Variants in UGT1A5 observed in about 807,000 individuals in gnomAD.
The protein encoded by UGT1A5 is UDP glucuronosyltransferase family 1 member A5, also known as UDP-glucuronosyltransferase 1A5.
UGT1A5 carries 29 observed loss-of-function variants against 40.3 expected under a neutral mutation model. The ratio of observed to expected loss-of-function variants is 0.72; its 90% CI spans 0.54 to 0.98. The LOEUF (loss-of-function observed/expected upper bound fraction) is 0.98. Ranked by LOEUF, UGT1A5 falls within the 50% of genes least tolerant of loss-of-function variation. The pLI, the probability that UGT1A5 is intolerant of heterozygous loss-of-function variation, is 0.00. For synonymous variants in UGT1A5, 257 were observed against 262.5 expected, an observed-to-expected ratio of 0.98 and a Z score of 0.20; for missense variants, 678 against 677.9, an observed-to-expected ratio of 1.00 and a Z score of 0.00.
At chr2:233,714,526 A>T (rs988419180) in intron 1 of UGT1A5, among the ~76,000 whole-genome samples, 1 of 152,254 alleles carries the variant, frequency 6.6e-6, no homozygotes, top group Non-Finnish European at 1.5e-5. Flanking sequence ...GGTTAACTTC[A>T]TGGTCTAATA....
At chr2:233,719,211 C>A in intron 1 of UGT1A5, 1 of 1,614,194 alleles carries the variant, frequency 6.2e-7, no homozygotes, top group Non-Finnish European at 8.5e-7. Flanking sequence ...TTGTGTGGAG[C>A]TACTGCATAA....
At chr2:233,765,419 T>G (rs970448073) in intron 1 of UGT1A5, among the ~76,000 whole-genome samples, 3 of 152,166 alleles carry the variant, frequency 2.0e-5, no homozygotes, top group Non-Finnish European at 4.4e-5. Context: ...TGGAATACTA[T>G]GCAGCCATAA....
At chr2:233,717,777 A>G (rs1442623000) in intron 1 of UGT1A5, 3 of 456,402 alleles carry the variant, frequency 6.6e-6, no homozygotes, top group South Asian at 4.6e-5. Context: ...TTAATTCTCC[A>G]TTTTGAAATT....
chr2:233,760,174 G>A (rs1178243322), intron 1 of UGT1A5: 18 of 1,539,292 alleles, frequency 1.2e-5, no homozygotes, highest in Non-Finnish European at 1.5e-5. Flanking sequence ...TGGACTGACA[G>A]CTTTTTATAG....
At position 233,762,076 on chromosome 2, in the gene UGT1A5, C is replaced by T. The variant is rs543302541; in HGVS notation, c.868-4958C>T. ...CTTCATAGCACATCAAATATGGCAG[C>T]CATTTCACTTAGATAGTTGTTGATT... On this transcript the variant is annotated intron_variant, in intron 1 of 4. Coordinates refer to ENST00000373414, the MANE Select transcript of UGT1A5 (RefSeq NM_019078.2). Among the ~76,000 whole-genome samples the T allele has an allele frequency of 4.6e-5, 7 of 152,184 alleles. No homozygotes were observed. The East Asian group carries it at 1.4e-3, about 29-fold the overall frequency.
intron 1 of UGT1A5, among the ~76,000 whole-genome samples, chr2:233,718,371 GAAGA>G (rs1356722234): frequency 1.3e-5 from 2 of 152,202 alleles, no homozygotes; most frequent in African/African-American, 4.8e-5. Context: ...TCACATATGA[GAAGA>G]AAGAGTTTCA....
At chr2:233,718,985 C>A (rs45571233) in intron 1 of UGT1A5, 1 of 1,614,224 alleles carries the variant, frequency 6.2e-7, no homozygotes, top group Non-Finnish European at 8.5e-7. Context: ...ATGCCAGAGG[C>A]CACCAGGCGG....
At chr2:233,739,133 T>C (rs570890692) in intron 1 of UGT1A5, 1 of 152,384 alleles carries the variant, frequency 6.6e-6, no homozygotes, top group East Asian at 1.9e-4. Context: ...GATAAGAATT[T>C]AGGTTTGGGA....
At chr2:233,719,672 G>T (rs777502728) in intron 1 of UGT1A5, 75 of 1,613,516 alleles carry the variant, frequency 4.6e-5, no homozygotes, top group Non-Finnish European at 6.0e-5. Flanking sequence ...GTGCCAACGG[G>T]AAGCCACTAT....
intron 1 of UGT1A5, among the ~76,000 whole-genome samples, chr2:233,737,380 C>T (rs1472756282): frequency 6.6e-6 from 1 of 152,238 alleles, no homozygotes; most frequent in Non-Finnish European, 1.5e-5. Context: ...GGGAGAGAAT[C>T]TCCTTGTCTG....
intron 1 of UGT1A5, chr2:233,747,238 C>T (rs1693595349): frequency 1.8e-5 from 29 of 1,603,598 alleles, no homozygotes; most frequent in Non-Finnish European, 2.5e-5. Flanking sequence ...CCAGGTTCCC[C>T]TGCTGTGGCT....
intron 1 of UGT1A5, chr2:233,717,989 C>A: frequency 2.3e-6 from 1 of 440,050 alleles, no homozygotes; most frequent in South Asian, 1.6e-5. Context: ...GGAATTCAGA[C>A]TGTGCAAGAT....
chr2:233,727,765 T>C (rs2077651083), intron 1 of UGT1A5, among the ~76,000 whole-genome samples: 1 of 152,200 alleles, frequency 6.6e-6, no homozygotes. Context: ...TTGAGCTGGG[T>C]GTCCCCCAGT....
In UGT1A5 at chr2:233,772,840, C is replaced by G. The variant is rs1271510565; in HGVS notation, c.*281C>G. 15 of 833,784 alleles carry G rather than the reference C, an allele frequency of 1.8e-5. No homozygotes were observed. The highest frequency in any genetic ancestry group is 3.3e-5 in the Admixed American group (1 of 29,978). The allele number at this position is 833,784 out of a possible 1,614,324, so 51.6% of individuals were successfully genotyped here. A position where few individuals can be genotyped will look rare whatever the true frequency, so the allele number is the denominator to read the frequency against. On this transcript the variant is annotated 3_prime_UTR_variant, in exon 5 of 5. Transcript: ENST00000373414. ...GCAGACAGGCTGGCATTCTAGATTACTTTTCTTACTCTGAAACATGGCCTG... is the reference window on the plus strand; with the variant it reads ...GCAGACAGGCTGGCATTCTAGATTAGTTTTCTTACTCTGAAACATGGCCTG...
At chr2:233,763,415 C>T (rs1277371697) in intron 1 of UGT1A5, among the ~76,000 whole-genome samples, 1 of 152,156 alleles carries the variant, frequency 6.6e-6, no homozygotes, top group Non-Finnish European at 1.5e-5. Flanking sequence ...ATTTTTAATC[C>T]AGTCAGGCAG....
chr2:233,754,656 T>C (rs776841418), intron 1 of UGT1A5: 5 of 458,568 alleles, frequency 1.1e-5, no homozygotes. Flanking sequence ...AATGATTCTC[T>C]TGGTGGTGAT....
At chr2:233,754,372 G>A (rs994818909) in intron 1 of UGT1A5, 3 of 279,470 alleles carry the variant, frequency 1.1e-5, no homozygotes, top group East Asian at 9.0e-5. Flanking sequence ...TACAATGATC[G>A]AAAGACAAAC....
At chr2:233,767,764 C>A (rs1699474752) in intron 2 of UGT1A5, 85 bp from the exon 3 acceptor site, 1 of 1,608,290 alleles carries the variant, frequency 6.2e-7, no homozygotes, top group East Asian at 2.2e-5. Flanking sequence ...TTCAGAGGAC[C>A]CCTGTTTTCT....
chr2:233,754,845 G>C, intron 1 of UGT1A5: 5 of 1,344,470 alleles, frequency 3.7e-6, no homozygotes, highest in Non-Finnish European at 5.0e-6. Context: ...ACTGAAGGCA[G>C]AGAAAAGGGG....
Sources: gnomAD v4.1 joint callset for allele counts (sites outside exome capture counted in the v4.1 genomes callset) on GRCh38, gnomAD v4.1.1 for gene constraint, MANE v1.5 for transcripts, NCBI Gene and HGNC (gene_info 2026-07-23, HGNC 2026-07-21) for gene names.